The following ATP10A variants were observed in gnomAD, a reference collection of about 807,000 sequenced individuals.
ATP10A encodes the protein phospholipid-transporting ATPase VA.
ATP10A carries 111 observed loss-of-function variants against 147.8 expected under a neutral mutation model. The ratio of observed to expected loss-of-function variants is 0.75; its 90% CI spans 0.64 to 0.88. The LOEUF is 0.88. Ranked by LOEUF, ATP10A falls within the 40% of genes least tolerant of loss-of-function variation. The pLI, the probability that ATP10A is intolerant of heterozygous loss-of-function variation, is 0.00. For missense variants in ATP10A, 1,927 were observed against 1,959.0 expected (o/e 0.98, Z 0.31); for synonymous variants, 875 against 841.6 (o/e 1.04, Z -0.69).
chr15:25,789,658 G>A (rs1820261893), intron 1 of ATP10A, among the ~76,000 whole-genome samples: 1 of 149,802 alleles, frequency 6.7e-6, no homozygotes. Context: ...TAAAATTATC[G>A]CAGATTTCAT....
intron 1 of ATP10A, among the ~76,000 whole-genome samples, chr15:25,782,595 G>A (rs1377860188): frequency 6.6e-6 from 1 of 152,090 alleles, no homozygotes. Flanking sequence ...ACCTCCCAGG[G>A]ACACATTCCA....
At chr15:25,672,533 C>T (rs1030645664), downstream of ATP10A, among the ~76,000 whole-genome samples, 6 of 152,174 alleles carry the variant, frequency 3.9e-5, no homozygotes, top group Non-Finnish European at 1.5e-5. Context: ...GATGGTCATT[C>T]TGCCTTTAAT....
At chr15:25,804,461 G>C (rs1891090803) in intron 1 of ATP10A, among the ~76,000 whole-genome samples, 1 of 133,248 alleles carries the variant, frequency 7.5e-6, no homozygotes. Context: ...TGCATGGTGT[G>C]TGTGTGGTGT....
chr15:25,674,040 C>A (rs1899091631), downstream of ATP10A, among the ~76,000 whole-genome samples: 1 of 150,754 alleles, frequency 6.6e-6, no homozygotes, highest in African/African-American at 2.5e-5. Context: ...GGACAGTTAC[C>A]GCTGTTACAC....
chr15:25,672,307 T>C (rs1899061062), downstream of ATP10A, among the ~76,000 whole-genome samples: 1 of 152,222 alleles, frequency 6.6e-6, no homozygotes, highest in Non-Finnish European at 1.5e-5. Context: ...GTGTTGTACA[T>C]GTGTTAGACA....
At chr15:25,748,769 G>C (rs1242459933) in intron 2 of ATP10A, among the ~76,000 whole-genome samples, 1 of 151,906 alleles carries the variant, frequency 6.6e-6, no homozygotes, top group Non-Finnish European at 1.5e-5. Flanking sequence ...ATTAATACAT[G>C]AGTGACCAGG....
intron 2 of ATP10A, among the ~76,000 whole-genome samples, chr15:25,767,360 C>A (rs552895295): frequency 6.6e-6 from 1 of 152,270 alleles, no homozygotes; most frequent in African/African-American, 2.4e-5. Context: ...TGCGCCACAT[C>A]CCGGACAGCG....
At chr15:25,715,147 T>C (rs1440679359) in intron 9 of ATP10A, among the ~76,000 whole-genome samples, 1 of 152,190 alleles carries the variant, frequency 6.6e-6, no homozygotes, top group East Asian at 1.9e-4. Context: ...CATCCTAAGT[T>C]GTGAATTACA....
Position 25,858,486 on chromosome 15 carries a change from A to G in ATP10A, c.449+4162T>C, listed in dbSNP as rs556170707. ...CAAGAGAAACAAAAGCCCTGGCAGAAAAGAAAACAAAAGGAGGACTTTGTT... is the reference window on the plus strand; with the variant it reads ...CAAGAGAAACAAAAGCCCTGGCAGAGAAGAAAACAAAAGGAGGACTTTGTT... On this transcript the variant is annotated intron_variant, in intron 1 of 20. Coordinates refer to ENST00000555815, the MANE Select transcript of ATP10A (RefSeq NM_024490.4). 2.4e-3 allele frequency among the ~76,000 whole-genome samples: 365 copies of G among 152,290 alleles called. 1 individual carries two copies. The highest frequency in any genetic ancestry group is 8.2e-3 in the African/African-American group (340 of 41,554).
rs375461885 is a variant in ATP10A at position 25,840,485 on chromosome 15, C to T, written c.449+22163G>A. ...GCAAGTTGCTGTGTTTATCAACAGT[C>T]TGTTCCTTTTTACTACTGACTAGTA... is the stretch of plus-strand genomic sequence containing the variant. On this transcript the variant is annotated intron_variant, in intron 1 of 20. Transcript: ENST00000555815. 9.9e-5 allele frequency among the ~76,000 whole-genome samples: 15 copies of T among 152,226 alleles called. No homozygotes were observed. In the South Asian group the frequency reaches 1.9e-3, roughly 19 times the overall value.
chr15:25,752,299 A>G (rs528157305), intron 2 of ATP10A, among the ~76,000 whole-genome samples: 4 of 152,338 alleles, frequency 2.6e-5, no homozygotes, highest in African/African-American at 9.6e-5. Context: ...ATAGATACAC[A>G]ATGAAATACT....
intron 17 of ATP10A, 65 bp from the exon 18 acceptor site, chr15:25,681,139 G>A: frequency 6.7e-7 from 1 of 1,497,174 alleles, no homozygotes; most frequent in Non-Finnish European, 9.2e-7. Flanking sequence ...AAAGCAGTTA[G>A]AATAAAAATG....
intron 1 of ATP10A, among the ~76,000 whole-genome samples, chr15:25,840,137 TCACG>T (rs1457662715): frequency 6.6e-6 from 1 of 152,174 alleles, no homozygotes; most frequent in Non-Finnish European, 1.5e-5. Flanking sequence ...ATAAATGGGA[TCACG>T]CAGCATATAT....
At chr15:25,758,711 AT>A (rs1390453252) in intron 2 of ATP10A, among the ~76,000 whole-genome samples, 7 of 111,118 alleles carry the variant, frequency 6.3e-5, no homozygotes, top group East Asian at 5.7e-4. Flanking sequence ...ACTCATTCCG[AT>A]CACCTGCTCC....
At chr15:25,676,454 C>A (rs563952173), downstream of ATP10A, among the ~76,000 whole-genome samples, 27 of 152,332 alleles carry the variant, frequency 1.8e-4, no homozygotes, top group Admixed American at 4.6e-4. Flanking sequence ...ACAGCTGGGG[C>A]CTGCATTTTC....
intron 1 of ATP10A, among the ~76,000 whole-genome samples, chr15:25,857,736 GTTGT>G (rs1431260464): frequency 6.6e-6 from 1 of 152,180 alleles, no homozygotes; most frequent in Non-Finnish European, 1.5e-5. Context: ...AAAGAGGCCT[GTTGT>G]TCTTGGGGTG....
chr15:25,678,106 T>A (rs1052727952), downstream of ATP10A: 1 of 152,106 alleles, frequency 6.6e-6, no homozygotes, highest in Admixed American at 6.6e-5. Flanking sequence ...TCTTGGGACC[T>A]ACACTGAGCC....
chr15:25,793,287 T>A (rs563050512), intron 1 of ATP10A, among the ~76,000 whole-genome samples: 8 of 152,202 alleles, frequency 5.3e-5, no homozygotes, highest in Non-Finnish European at 1.2e-4. Context: ...CTTGGGAGAA[T>A]GAGCACTGCA....
chr15:25,794,028 G>A (rs1432273522), intron 1 of ATP10A, among the ~76,000 whole-genome samples: 1 of 152,178 alleles, frequency 6.6e-6, no homozygotes, highest in Non-Finnish European at 1.5e-5. Context: ...GTTTTGTCCA[G>A]GACACCATTT....
Sources: gnomAD v4.1 joint callset for allele counts (sites outside exome capture counted in the v4.1 genomes callset) on GRCh38, gnomAD v4.1.1 for gene constraint, MANE v1.5 for transcripts, NCBI Gene and HGNC (gene_info 2026-07-23, HGNC 2026-07-21) for gene names.